GUCY1A2: variants seen among roughly 807,000 people sequenced by gnomAD.
GUCY1A2 encodes the protein guanylate cyclase soluble subunit alpha-2.
A neutral mutation model predicts 63.5 loss-of-function variants in GUCY1A2; 27 were observed. The observed-to-expected ratio is 0.43, with a 90% CI of 0.31 to 0.59. GUCY1A2 has a LOEUF of 0.59. Among genes scored for constraint, GUCY1A2 ranks in the 20% least tolerant of loss-of-function variants. GUCY1A2 has a pLI of 0.11. For synonymous variants in GUCY1A2, 364 were observed against 343.5 expected (o/e 1.06, Z -0.66); for missense variants, 768 against 913.3 (o/e 0.84, Z 2.05).
intron 4 of GUCY1A2, among the ~76,000 whole-genome samples, chr11:106,897,322 A>C (rs944669324): frequency 2.0e-5 from 3 of 152,142 alleles, no homozygotes; most frequent in African/African-American, 7.2e-5. Context: ...CCAGCAAACT[A>C]TTTTGGGAAT....
chr11:106,778,897 A>G (rs1455228427), intron 5 of GUCY1A2, among the ~76,000 whole-genome samples: 1 of 151,750 alleles, frequency 6.6e-6, no homozygotes, highest in Non-Finnish European at 1.5e-5. Flanking sequence ...AGATCTGTAT[A>G]GGAAAAATAT....
At chr11:106,829,407 G>T (rs890250840) in intron 4 of GUCY1A2, among the ~76,000 whole-genome samples, 1 of 152,140 alleles carries the variant, frequency 6.6e-6, no homozygotes, top group Non-Finnish European at 1.5e-5. Context: ...TGACTTTAAA[G>T]CCTAGTTCCA....
At chr11:106,972,330 CT>C (rs1861206377) in intron 3 of GUCY1A2, among the ~76,000 whole-genome samples, 1 of 151,942 alleles carries the variant, frequency 6.6e-6, no homozygotes, top group Non-Finnish European at 1.5e-5. Context: ...ATCTTCACAG[CT>C]TTTTTATAAA....
At chr11:106,725,545 T>C (rs543688780) in intron 6 of GUCY1A2, among the ~76,000 whole-genome samples, 2 of 152,256 alleles carry the variant, frequency 1.3e-5, no homozygotes, top group South Asian at 4.1e-4. Context: ...ACCAAATAGT[T>C]CAATTTAAAA....
At chr11:106,792,465 C>G (rs745579005) in intron 5 of GUCY1A2, among the ~76,000 whole-genome samples, 1 of 150,686 alleles carries the variant, frequency 6.6e-6, no homozygotes, top group Non-Finnish European at 1.5e-5. Flanking sequence ...TCAACATACA[C>G]AAATCAATAA....
intron 3 of GUCY1A2, among the ~76,000 whole-genome samples, chr11:106,966,535 C>T (rs145117072): frequency 4.9e-4 from 74 of 152,310 alleles, no homozygotes; most frequent in Admixed American, 1.8e-3. Context: ...GTACCTAGAA[C>T]AGTACCCAAA....
intron 5 of GUCY1A2, among the ~76,000 whole-genome samples, chr11:106,777,739 T>C (rs772642094): frequency 5.5e-4 from 84 of 152,148 alleles, no homozygotes; most frequent in Non-Finnish European, 8.7e-4. Context: ...GATGACAGGT[T>C]GATGGGTGCA....
chr11:106,859,352 T>C (rs1413134697), intron 4 of GUCY1A2, among the ~76,000 whole-genome samples: 2 of 152,032 alleles, frequency 1.3e-5, no homozygotes, highest in Admixed American at 1.3e-4. Context: ...GTCTCATACT[T>C]AAATTGAGCT....
intron 5 of GUCY1A2, among the ~76,000 whole-genome samples, chr11:106,808,106 T>C (rs979103126): frequency 1.3e-5 from 2 of 152,132 alleles, no homozygotes; most frequent in African/African-American, 4.8e-5. Context: ...TATACATCTA[T>C]CCTATTAGTC....
intron 6 of GUCY1A2, among the ~76,000 whole-genome samples, chr11:106,736,432 G>C (rs1238823422): frequency 6.6e-6 from 1 of 152,116 alleles, no homozygotes. Flanking sequence ...GCAAAAATGA[G>C]TTAACTACAG....
intron 4 of GUCY1A2, among the ~76,000 whole-genome samples, chr11:106,864,075 C>T (rs930678026): frequency 5.3e-5 from 8 of 151,670 alleles, no homozygotes; most frequent in African/African-American, 1.4e-4. Flanking sequence ...GGGTTGGGAG[C>T]GATAGGGGAT....
intron 6 of GUCY1A2, among the ~76,000 whole-genome samples, chr11:106,715,942 G>A (rs902162466): frequency 2.6e-5 from 4 of 152,228 alleles, no homozygotes; most frequent in African/African-American, 9.6e-5. Flanking sequence ...ACTACTGACA[G>A]GTGGGTGGGG....
chr11:106,820,513 C>T lies in GUCY1A2; in HGVS notation c.1207-10035G>A, dbSNP rs577353618. On this transcript the variant is annotated intron_variant, in intron 4 of 7. Coordinates refer to ENST00000526355, the MANE Select transcript of GUCY1A2 (RefSeq NM_000855.3). The stretch of plus-strand genomic sequence containing the variant: ...TCCCAGGTTCAAATGATTTTCCTGC[C>T]TCAGCCTCCTGAGTAGCTGAAACTA... Among the ~76,000 whole-genome samples, 64 of 152,294 alleles carry T rather than the reference C, an allele frequency of 4.2e-4. No homozygotes were observed. The South Asian group carries it at 6.2e-3, about 15-fold the overall frequency.
intron 6 of GUCY1A2, among the ~76,000 whole-genome samples, chr11:106,757,954 C>T (rs1481802347): frequency 6.6e-6 from 1 of 152,198 alleles, no homozygotes; most frequent in Non-Finnish European, 1.5e-5. Flanking sequence ...TTGCCCACAG[C>T]TACCCCTTTC....
intron 4 of GUCY1A2, among the ~76,000 whole-genome samples, chr11:106,882,719 T>C (rs567174011): frequency 6.6e-6 from 1 of 152,090 alleles, no homozygotes; most frequent in South Asian, 2.1e-4. Context: ...AAGTTACACA[T>C]GTCAAAAATA....
intron 6 of GUCY1A2, among the ~76,000 whole-genome samples, chr11:106,775,443 A>G (rs1389927564): frequency 6.7e-6 from 1 of 150,300 alleles, no homozygotes; most frequent in Non-Finnish European, 1.5e-5. Flanking sequence ...ATCATTGCTA[A>G]TAACAGGGCT....
intron 7 of GUCY1A2, among the ~76,000 whole-genome samples, chr11:106,704,373 C>T (rs1052655901): frequency 6.6e-6 from 1 of 152,074 alleles, no homozygotes; most frequent in East Asian, 1.9e-4. Flanking sequence ...ATAACTTGGT[C>T]CAAAGAAATT....
chr11:106,937,131 T>C (rs1860690166), intron 4 of GUCY1A2, among the ~76,000 whole-genome samples: 2 of 152,200 alleles, frequency 1.3e-5, no homozygotes, highest in Non-Finnish European at 2.9e-5. Context: ...AATGTCCCAT[T>C]CTGGCAAACT....
chr11:106,770,843 T>C (rs1864243133), intron 6 of GUCY1A2, among the ~76,000 whole-genome samples: 1 of 152 alleles, frequency 6.6e-3, no homozygotes, highest in Non-Finnish European at 0.012. Flanking sequence ...CAATTGCAAA[T>C]CAGGGAATGC....
Sources: allele counts gnomAD v4.1 joint callset (sites outside exome capture counted in the v4.1 genomes callset), GRCh38; gene constraint gnomAD v4.1.1; transcripts MANE v1.5; gene names NCBI Gene and HGNC (gene_info 2026-07-23, HGNC 2026-07-21).